Variants in HSPG2 observed in about 807,000 individuals in gnomAD.
HSPG2 encodes the protein heparan sulfate proteoglycan 2, also known as basement membrane-specific heparan sulfate proteoglycan core protein.
Under a neutral mutation model 526.6 loss-of-function variants are expected in HSPG2, and 278 were observed. The observed-to-expected ratio is 0.53, with a 90% CI of 0.48 to 0.58. The LOEUF (loss-of-function observed/expected upper bound fraction) is 0.58, where lower values mean the gene tolerates loss of function less well. Ranked by LOEUF, HSPG2 falls within the 20% of genes least tolerant of loss-of-function variation. HSPG2 has a pLI of 0.00. For missense variants in HSPG2, 5,354 were observed against 6,099.5 expected, an observed-to-expected ratio of 0.88 and a Z score of 4.07; for synonymous variants, 2,465 against 2,555.4, an observed-to-expected ratio of 0.96 and a Z score of 1.07.
rs202118173 is a variant in HSPG2, at chr1:21,848,750, A to G, written c.7630T>C (p.Ser2544Pro). Reference sequence around the variant, plus strand: ...TCCAGGGTGTGTCCATTGGCCAGGGAGGCTGAGGAGGACTCGATGCGGACG... The same window carrying G: ...TCCAGGGTGTGTCCATTGGCCAGGGGGGCTGAGGAGGACTCGATGCGGACG... Reference protein sequence around the residue: ...YPVRIESSSASLANGHTLDLN... With the variant: ...YPVRIESSSAPLANGHTLDLN... Residue 2544 changes from serine to proline, a missense_variant, in exon 59 of 97, where the codon TCC becomes CCC. By Grantham distance (74) the Ser-to-Pro change is moderately conservative. Transcript: ENST00000374695. The surrounding 1 kb of genome is among the most constrained non-coding windows in gnomAD (Gnocchi z 4.9). 6.2e-7 allele frequency: 1 copy of G among 1,613,640 alleles called. No individual in the cohort carries two copies.
intron 17 of HSPG2, among the ~76,000 whole-genome samples, chr1:21,879,492 C>T (rs1026009070): frequency 6.6e-6 from 1 of 152,198 alleles, no homozygotes; most frequent in African/African-American, 2.4e-5. Context: ...ACAATCCCAG[C>T]TCTCGCCACT....
chr1:21,841,531 C>A lies in HSPG2; in HGVS notation c.9328+8G>T, dbSNP rs748706765. 5.6e-6 allele frequency: 9 copies of A among 1,614,072 alleles called. No homozygotes were observed. Among genetic ancestry groups the A allele is most frequent in the Non-Finnish European group, 7.6e-6 (9 of 1,179,998 alleles). On this transcript the variant is annotated splice_region_variant and intron_variant, in intron 70 of 96. Transcript: ENST00000374695. Reference sequence around the variant, plus strand: ...GGGCAGAGCCCCACAGGGTCAACGTCCCCTCACCGTGCACACTGAGGTTCA... The same window carrying A: ...GGGCAGAGCCCCACAGGGTCAACGTACCCTCACCGTGCACACTGAGGTTCA...
In HSPG2 at chr1:21,893,868, GA is replaced by G. The variant is rs1313582321; in HGVS notation, c.244+2053del. Among the ~76,000 whole-genome samples, 1 of 148,066 alleles carries G rather than the reference GA, an allele frequency of 6.8e-6. No individual in the cohort carries two copies. Among genetic ancestry groups the G allele is most frequent in the East Asian group, 2.0e-4 (1 of 5,048 alleles). ...ACAAAGGTGAAGAAAAAGGCAGAGG[GA>G]AAAAGAAAAAAAAAAAAGAACAGGC... is the stretch of plus-strand genomic sequence containing the variant. On this transcript the variant is annotated intron_variant, in intron 3 of 96. Coordinates refer to ENST00000374695, the MANE Select transcript of HSPG2 (RefSeq NM_005529.7). This position sits in a 1 kb window ranked among gnomAD's most constrained non-coding sequence, Gnocchi z 4.3.
rs745969454 is a variant in HSPG2, at chr1:21,879,039, G to T, written c.2426C>A (p.Thr809Asn). 2 of 1,614,228 alleles carry T rather than the reference G, an allele frequency of 1.2e-6. No homozygotes were observed. The highest frequency in any genetic ancestry group is 1.7e-6 in the Non-Finnish European group (2 of 1,180,042). ...FFGDAMKATA[T>N]SCRPCPCPYI... The stretch of plus-strand genomic sequence containing the variant: ...TGGGCAAGGGCAGGGCCGGCAGGAA[G>T]TGGCCGTGGCCTTCATGGCGTCCCC... The change falls in exon 18 of 97, where the codon ACT (threonine) becomes AAT (asparagine). Residue 809 changes from threonine (T) to asparagine (N), a missense_variant. Thr to Asn is a moderately conservative substitution (Grantham distance 65). Coordinates refer to ENST00000374695, the MANE Select transcript of HSPG2 (RefSeq NM_005529.7).
intron 1 of HSPG2, among the ~76,000 whole-genome samples, chr1:21,931,589 C>T (rs1358375187): frequency 1.3e-5 from 2 of 152,174 alleles, no homozygotes; most frequent in Admixed American, 6.5e-5. Flanking sequence ...CCCCTCATAG[C>T]TGGGACTGGA....
Position 21,829,097 on chromosome 1 carries a change from C to T in HSPG2, c.11993-18G>A, listed in dbSNP as rs753347927. Reference sequence around the variant, plus strand: ...GGCCAGCCCTGGGGAGGATGCCAGGCAGGGTTGGGCACATGGGGGCACACG... The same window carrying T: ...GGCCAGCCCTGGGGAGGATGCCAGGTAGGGTTGGGCACATGGGGGCACACG... On this transcript the variant is annotated intron_variant, in intron 87 of 96. Coordinates refer to ENST00000374695, the MANE Select transcript of HSPG2 (RefSeq NM_005529.7). The T allele has an allele frequency of 7.6e-5, 116 of 1,531,420 alleles. No individual in the cohort carries two copies. In the South Asian group the frequency reaches 1.3e-3, roughly 17 times the overall value. 94.9% of individuals were successfully genotyped at this position (1,531,420 alleles called of 1,614,324 possible).
At chr1:21,930,701 G>C (rs1259075675) in intron 1 of HSPG2, among the ~76,000 whole-genome samples, 1 of 151,894 alleles carries the variant, frequency 6.6e-6, no homozygotes, top group Non-Finnish European at 1.5e-5. Context: ...TTGAACCTGG[G>C]GGGCAGAGAT....
chr1:21,921,631 C>T (rs1644040912), intron 1 of HSPG2, among the ~76,000 whole-genome samples: 1 of 152,222 alleles, frequency 6.6e-6, no homozygotes, highest in South Asian at 2.1e-4. Context: ...TGCTCTCCTG[C>T]TCACTCAGAG....
Position 21,842,881 on chromosome 1 carries a change from A to G in HSPG2, c.8799T>C (p.Ser2933=), listed in dbSNP as rs1042543384. The change falls in exon 67 of 97, where the codon TCT becomes TCC. Residue 2933 remains serine (S), a synonymous_variant. Transcript: ENST00000374695. ...GAGTCTGCCCTTCAGTCACGTGTGAAGAGGAGGCCTCGATGTAGATGGGCT... is the reference window on the plus strand; with the variant it reads ...GAGTCTGCCCTTCAGTCACGTGTGAGGAGGAGGCCTCGATGTAGATGGGCT... The part of the protein sequence containing the change: ...LAQPIYIEAS[S]SHVTEGQTLD... 6 of 1,613,998 alleles carry G rather than the reference A, an allele frequency of 3.7e-6. No individual in the cohort carries two copies. The highest frequency in any genetic ancestry group is 5.1e-6 in the Non-Finnish European group (6 of 1,180,026).
rs751524286 is a variant in HSPG2 at position 21,831,790 on chromosome 1, A to T, written c.11214T>A (p.Asp3738Glu). 1.9e-6 allele frequency: 3 copies of T among 1,600,360 alleles called. No individual in the cohort carries two copies. In the South Asian group the frequency reaches 3.4e-5, roughly 18 times the overall value. ...LVGGRPEFRF[D>E]AGSGMATIRH... is the part of the protein sequence containing the mutation. Reference sequence around the variant, plus strand: ...GGATGGTGGCCATGCCTGAGCCTGCATCGAACCTGCTCCGTGGGGCAGGCC... The same window carrying T: ...GGATGGTGGCCATGCCTGAGCCTGCTTCGAACCTGCTCCGTGGGGCAGGCC... The change falls in exon 82 of 97, where the codon GAT (aspartate) becomes GAA (glutamate). Residue 3738 changes from aspartate (D) to glutamate (E), a missense_variant. Transcript: ENST00000374695.
At position 21,834,683 on chromosome 1, in the gene HSPG2, C is replaced by T; in HGVS notation, c.10716G>A (p.Val3572=). The T allele has an allele frequency of 6.2e-7, 1 of 1,614,162 alleles. No homozygotes were observed. The highest frequency in any genetic ancestry group is 8.5e-7 in the Non-Finnish European group (1 of 1,180,040). ...AAAGTCCCCACTGGCCTTCACCTTG[C>T]ACAAGCAGCAGGACGTGGGATTGTG... ...GTTQSHVLLL[V]QALPQISMPQ... The change falls in exon 77 of 97, where the codon GTG becomes GTA. Residue 3572 remains valine, a synonymous_variant. Transcript: ENST00000374695.
At position 21,824,870 on chromosome 1, in the gene HSPG2, T is replaced by G. The variant is rs1333334932; in HGVS notation, c.12590-91A>C. The G allele has an allele frequency of 8.3e-7, 1 of 1,200,440 alleles. No individual in the cohort carries two copies. The highest frequency in any genetic ancestry group is 1.5e-5 in the African/African-American group (1 of 66,322). The allele number at this position is 1,200,440 out of a possible 1,614,324, so 74.4% of individuals were successfully genotyped here. The stretch of plus-strand genomic sequence containing the variant: ...CCTGACCCCCACCTCCACGCCAACA[T>G]GCAGGACTAGGGGGCTCCGAGCCTG... On this transcript the variant is annotated intron_variant, in intron 91 of 96. Coordinates refer to ENST00000374695, the MANE Select transcript of HSPG2 (RefSeq NM_005529.7). This position sits in a 1 kb window ranked among gnomAD's most constrained non-coding sequence, Gnocchi z 5.9.
At chr1:21,827,782 G>T in intron 91 of HSPG2, 81 bp downstream of exon 91, 1 of 1,413,790 alleles carries the variant, frequency 7.1e-7, no homozygotes, top group Non-Finnish European at 9.7e-7. Context: ...TGTTTTGCTT[G>T]CAGGCCAGAA....
Position 21,831,003 on chromosome 1 carries a change from G to T in HSPG2, c.11650C>A (p.Gln3884Lys). ...GTACCTGGATGGCAGTGCAGGGCCT[G>T]CGAGTGCTCACAGCGGCTCCCGGTG... ...GFTGSRCEHS[Q>K]ALHCHPEACG... is the part of the protein sequence containing the mutation. Residue 3884 changes from glutamine to lysine, a missense_variant, in exon 85 of 97, where the codon CAG (glutamine) becomes AAG (lysine). Physicochemically the swap from Gln to Lys is moderately conservative, Grantham distance 53. Coordinates refer to ENST00000374695, the MANE Select transcript of HSPG2 (RefSeq NM_005529.7). The T allele has an allele frequency of 6.3e-7, 1 of 1,585,766 alleles. No homozygotes were observed. The highest frequency in any genetic ancestry group is 2.3e-5 in the East Asian group (1 of 43,976).
intron 64 of HSPG2, among the ~76,000 whole-genome samples, chr1:21,844,838 G>A (rs1638296401): frequency 6.6e-6 from 1 of 152,200 alleles, no homozygotes; most frequent in Non-Finnish European, 1.5e-5. Flanking sequence ...AAGAAGTGCT[G>A]GATCATGTTT....
At chr1:21,889,756 C>CT in intron 6 of HSPG2, 1 of 601,112 alleles carries the variant, frequency 1.7e-6, no homozygotes, top group Non-Finnish European at 3.0e-6. Flanking sequence ...GTGCAGAGGT[C>CT]TAGAAGGAAG....
At chr1:21,911,069 C>T (rs1215748115) in intron 1 of HSPG2, among the ~76,000 whole-genome samples, 3 of 152,144 alleles carry the variant, frequency 2.0e-5, no homozygotes, top group African/African-American at 7.2e-5. Flanking sequence ...TGAAGTCAGC[C>T]ACTAAGCTGT....
At chr1:21,838,684 G>A (rs1240375227) in intron 74 of HSPG2, 141 bp downstream of exon 74, 5 of 859,568 alleles carry the variant, frequency 5.8e-6, no homozygotes, top group Admixed American at 2.2e-5. Flanking sequence ...AGCCTGCCTC[G>A]GGCCCTGGAG....
chr1:21,878,117 C>G, intron 21 of HSPG2, 69 bp downstream of exon 21: 1 of 1,417,312 alleles, frequency 7.1e-7, no homozygotes, highest in Non-Finnish European at 9.9e-7. Context: ...GACGGAGCTT[C>G]CTTCTTCCTC....
Sources: gnomAD v4.1 joint callset for allele counts (sites outside exome capture counted in the v4.1 genomes callset) on GRCh38, gnomAD v4.1.1 for gene constraint, Gnocchi (gnomAD v3.1) non-coding constraint, MANE v1.5 for transcripts, NCBI Gene and HGNC (gene_info 2026-07-23, HGNC 2026-07-21) for gene names.